CACNA1D: variants seen among roughly 807,000 people sequenced by gnomAD.
The protein encoded by CACNA1D is voltage-dependent L-type calcium channel subunit alpha-1D.
In CACNA1D, 55 loss-of-function variants were observed where a neutral mutation model predicts 257.1. The ratio of observed to expected loss-of-function variants is 0.21; its 90% confidence interval spans 0.17 to 0.27. The LOEUF (loss-of-function observed/expected upper bound fraction) is 0.27. Ranked by LOEUF, CACNA1D falls within the 10% of genes least tolerant of loss-of-function variation. CACNA1D has a pLI of 1.00. For synonymous variants in CACNA1D, 980 were observed against 1,014.9 expected, an observed-to-expected ratio of 0.97 and a Z score of 0.65; for missense variants, 1,876 against 2,784.0, an observed-to-expected ratio of 0.67 and a Z score of 7.34.
At chr3:53,497,510 G>GT in intron 2 of CACNA1D, 49 bp downstream of exon 2, 6 of 1,585,610 alleles carry the variant, frequency 3.8e-6, no homozygotes, top group Non-Finnish European at 5.2e-6. Flanking sequence ...TTTACCATCT[G>GT]TTTTTTAAAA....
At chr3:53,584,256 A>C (rs957269604) in intron 3 of CACNA1D, among the ~76,000 whole-genome samples, 1 of 152,164 alleles carries the variant, frequency 6.6e-6, no homozygotes, top group African/African-American at 2.4e-5. Flanking sequence ...CATGGATCCT[A>C]CCCTCAGCAA....
In CACNA1D at chr3:53,811,272, G is replaced by T. The variant is rs760811996; in HGVS notation, c.6352G>T (p.Asp2118Tyr). The T allele has an allele frequency of 6.2e-7, 1 of 1,613,860 alleles. No homozygotes were observed. Among genetic ancestry groups the T allele is most frequent in the African/African-American group, 1.3e-5 (1 of 74,940 alleles). ...NGNVRPRANG[D>Y]VGPLSHRQDY... ...GAACGTGCGTCCCCGAGCCAACGGG[G>T]ATGTGGGCCCCCTCTCACACCGGCA... Residue 2118 changes from aspartate to tyrosine, a missense_variant, in exon 48 of 48, where the codon GAT becomes TAT. By Grantham distance (160) the Asp-to-Tyr change is radical. Around this residue, in one of 10 missense-constraint regions of CACNA1D, gnomAD observed 491 missense variants for 554.3 expected, o/e 0.89. Transcript: ENST00000350061. The surrounding 1 kb of genome is among the most constrained non-coding windows in gnomAD (Gnocchi z 4.2).
At chr3:53,805,318 T>C in intron 45 of CACNA1D, 172 bp downstream of exon 45, 1 of 650,178 alleles carries the variant, frequency 1.5e-6, no homozygotes, top group Non-Finnish European at 2.7e-6. Context: ...TTCTCATCCA[T>C]ATCTCACGTG....
chr3:53,499,404 C>T (rs1365634508), intron 2 of CACNA1D, among the ~76,000 whole-genome samples: 1 of 152,036 alleles, frequency 6.6e-6, no homozygotes, highest in Non-Finnish European at 1.5e-5. Context: ...TCTGTCAAGG[C>T]CCCATCCGCA....
intron 3 of CACNA1D, among the ~76,000 whole-genome samples, chr3:53,575,349 G>A (rs1002434014): frequency 8.5e-5 from 13 of 152,190 alleles, no homozygotes; most frequent in African/African-American, 3.1e-4. Flanking sequence ...GCATGGGCAG[G>A]AAGGGGAGTG....
intron 29 of CACNA1D, among the ~76,000 whole-genome samples, chr3:53,759,324 C>T (rs1444960712): frequency 6.6e-6 from 1 of 152,236 alleles, no homozygotes; most frequent in African/African-American, 2.4e-5. Flanking sequence ...ACTGATAATT[C>T]TGGAGAGAGG....
chr3:53,560,382 CTCTA>C (rs2092716934), intron 3 of CACNA1D, among the ~76,000 whole-genome samples: 1 of 152,168 alleles, frequency 6.6e-6, no homozygotes, highest in African/African-American at 2.4e-5. Context: ...GAACTGGAGC[CTCTA>C]TATTAGTCTG....
At chr3:53,759,394 G>A (rs2095286677) in intron 29 of CACNA1D, among the ~76,000 whole-genome samples, 1 of 152,238 alleles carries the variant, frequency 6.6e-6, no homozygotes. Flanking sequence ...CAGCACCCAT[G>A]TGGTGGGTTT....
At chr3:53,501,780 T>A in intron 3 of CACNA1D, 60 bp downstream of exon 3, 2 of 959,038 alleles carry the variant, frequency 2.1e-6, no homozygotes, top group Non-Finnish European at 3.4e-6. Context: ...CTTCTATACT[T>A]AAACTGGCAG....
intron 4 of CACNA1D, among the ~76,000 whole-genome samples, chr3:53,654,861 TA>T (rs200535253): frequency 1.3e-5 from 2 of 151,474 alleles, no homozygotes; most frequent in Non-Finnish European, 2.9e-5. Flanking sequence ...AAATGGAATT[TA>T]AAAAAAACCC....
chr3:53,664,029 G>A (rs972190697), intron 5 of CACNA1D, among the ~76,000 whole-genome samples: 10 of 152,296 alleles, frequency 6.6e-5, no homozygotes, highest in African/African-American at 2.4e-4. Flanking sequence ...GCCTCCCAAA[G>A]TGCTGGGATT....
chr3:53,632,113 C>T (rs952481312), intron 3 of CACNA1D, among the ~76,000 whole-genome samples: 4 of 152,192 alleles, frequency 2.6e-5, no homozygotes, highest in Non-Finnish European at 5.9e-5. Context: ...CTAGAAAAAT[C>T]GTCGATGGGA....
intron 7 of CACNA1D, 40 bp downstream of exon 7, chr3:53,666,575 CT>C: frequency 6.4e-7 from 1 of 1,553,394 alleles, no homozygotes; most frequent in East Asian, 2.2e-5. Flanking sequence ...GTGTTCTTTG[CT>C]TGGATAAGTG....
chr3:53,692,312 T>C (rs537439297), intron 8 of CACNA1D, among the ~76,000 whole-genome samples: 5 of 152,110 alleles, frequency 3.3e-5, no homozygotes, highest in African/African-American at 1.2e-4. Context: ...GACTCTAAGG[T>C]AGAGAAAAGT....
intron 3 of CACNA1D, among the ~76,000 whole-genome samples, chr3:53,612,959 A>C (rs1576087820): frequency 6.6e-6 from 1 of 152,172 alleles, no homozygotes; most frequent in East Asian, 1.9e-4. Flanking sequence ...CAGAAGTAGA[A>C]GGCAGTCGTC....
At position 53,682,380 on chromosome 3, in the gene CACNA1D, A is replaced by AAAAAC. The variant is rs1553634103; in HGVS notation, c.1220+9258_1220+9259insCAAAA. Among the ~76,000 whole-genome samples the AAAAAC allele has an allele frequency of 1.2e-4, 18 of 145,586 alleles. No individual in the cohort carries two copies. The East Asian group carries it at 3.0e-3, about 24-fold the overall frequency. On this transcript the variant is annotated intron_variant, in intron 8 of 47. Coordinates refer to ENST00000350061, the MANE Select transcript of CACNA1D (RefSeq NM_001128840.3). Reference sequence around the variant, plus strand: ...TTGTCTCTGGTAAAAAAAAAAAAAAAAAAAAAAAAAAAAAAACAGAAGTCT... The same window carrying AAAAAC: ...TTGTCTCTGGTAAAAAAAAAAAAAAAAAAACAAAAAAAAAAAAAAAACAGAAGTCT...
Position 53,495,130 on chromosome 3 carries a change from G to T in CACNA1D, c.-37G>T, listed in dbSNP as rs754323311. 3 of 1,478,250 alleles carry T rather than the reference G, an allele frequency of 2.0e-6. No homozygotes were observed. The highest frequency in any genetic ancestry group is 2.8e-6 in the Non-Finnish European group (3 of 1,062,232). The allele number at this position is 1,478,250 out of a possible 1,614,324, so 91.6% of individuals were successfully genotyped here. A position where few individuals can be genotyped will look rare whatever the true frequency, so the allele number is the denominator to read the frequency against. On this transcript the variant is annotated 5_prime_UTR_variant, in exon 1 of 48. Transcript: ENST00000350061. This position sits in a 1 kb window ranked among gnomAD's most constrained non-coding sequence, Gnocchi z 5.1. Reference sequence around the variant, plus strand: ...CCCCCGCCTCAACGCCCAGCACAGTGCCCTGCACACAGTAGTCGCTCAATA... The same window carrying T: ...CCCCCGCCTCAACGCCCAGCACAGTTCCCTGCACACAGTAGTCGCTCAATA...
chr3:53,671,402 G>A (rs994391903), intron 7 of CACNA1D, among the ~76,000 whole-genome samples: 1 of 152,188 alleles, frequency 6.6e-6, no homozygotes, highest in Non-Finnish European at 1.5e-5. Context: ...AAGCCCAGGT[G>A]GGGCTCTGTC....
Position 53,723,445 on chromosome 3 carries a change from A to G in CACNA1D, c.1678A>G (p.Lys560Glu), listed in dbSNP as rs758865477. The part of the protein sequence containing the change: ...WLTQIQDIAN[K>E]VLLALFTCEM... ...CTTTGTCTTTCCAGATATTGCCAAC[A>G]AAGTCCTCTTGGCTCTGTTCACCTG... Residue 560 changes from lysine (K) to glutamate (E), a missense_variant, in exon 13 of 48, where the codon AAA becomes GAA. By Grantham distance (56) the Lys-to-Glu change is moderately conservative. This residue lies in a region of CACNA1D where 257 missense variants were observed against 399.7 expected (regional missense o/e 0.64). Coordinates refer to ENST00000350061, the MANE Select transcript of CACNA1D (RefSeq NM_001128840.3). This position sits in a 1 kb window ranked among gnomAD's most constrained non-coding sequence, Gnocchi z 5.6. The G allele has an allele frequency of 3.7e-5, 60 of 1,613,972 alleles. No individual in the cohort carries two copies. Among genetic ancestry groups the G allele is most frequent in the Non-Finnish European group, 4.9e-5 (58 of 1,179,948 alleles).
Sources: gnomAD v4.1 joint callset for allele counts (sites outside exome capture counted in the v4.1 genomes callset) on GRCh38, gnomAD v4.1.1 for gene constraint, gnomAD v4.1.1 regional missense constraint, Gnocchi (gnomAD v3.1) non-coding constraint, MANE v1.5 for transcripts, NCBI Gene and HGNC (gene_info 2026-07-23, HGNC 2026-07-21) for gene names.